Variants in UBN1 observed in about 807,000 individuals in gnomAD.
UBN1 encodes the protein ubinuclein 1, also known as ubinuclein-1.
In UBN1, 17 loss-of-function variants were observed where a neutral mutation model predicts 108.5. The ratio of observed to expected loss-of-function variants is 0.16; its 90% CI spans 0.11 to 0.24. The LOEUF (loss-of-function observed/expected upper bound fraction) is 0.24, where lower values mean the gene tolerates loss of function less well. UBN1 is among the 10% of genes least tolerant of loss of function. The pLI is 1.00. For synonymous variants in UBN1, 726 were observed against 564.2 expected, an observed-to-expected ratio of 1.29 and a Z score of -4.07; for missense variants, 1,595 against 1,394.4, an observed-to-expected ratio of 1.14 and a Z score of -2.29.
At position 4,875,127 on chromosome 16, in the gene UBN1, G is replaced by A. The variant is rs147109333; in HGVS notation, c.2717G>A (p.Ser906Asn). 4 of 1,614,058 alleles carry A rather than the reference G, an allele frequency of 2.5e-6. No homozygotes were observed. Residue 906 changes from serine (S) to asparagine (N), a missense_variant, in exon 15 of 18, where the codon AGC becomes AAC. Ser to Asn is a conservative substitution (Grantham distance 46). This residue lies in a region of UBN1 where 1,398 missense variants were observed against 1,194.7 expected (regional missense o/e 1.17). Transcript: ENST00000262376. The part of the protein sequence containing the change: ...GSSYKNNPFA[S>N]SISKHGVSSG... ...TCTTACAAGAATAATCCCTTTGCCA[G>A]CTCAATCTCCAAACATGGGGTTTCT...
rs777446189 is a variant in UBN1, at chr16:4,857,676, C to G, written c.250-314C>G. Among the ~76,000 whole-genome samples the G allele has an allele frequency of 1.8e-4, 28 of 152,128 alleles. 1 individual carries two copies. Among genetic ancestry groups the G allele is most frequent in the South Asian group, 1.0e-3 (5 of 4,826 alleles). Reference sequence around the variant, plus strand: ...AAATTTTAAGAGTTACAAAGGAAGTCCACTTTATTGAACGTGGTTGTGTAG... The same window carrying G: ...AAATTTTAAGAGTTACAAAGGAAGTGCACTTTATTGAACGTGGTTGTGTAG... On this transcript the variant is annotated intron_variant, in intron 2 of 17. Coordinates refer to ENST00000262376, the MANE Select transcript of UBN1 (RefSeq NM_001079514.3).
At chr16:4,863,168 T>C (rs2087152687) in intron 7 of UBN1, among the ~76,000 whole-genome samples, 1 of 152,236 alleles carries the variant, frequency 6.6e-6, no homozygotes, top group Admixed American at 6.5e-5. Context: ...GCTGTAATTA[T>C]AGTTGTGAAT....
At position 4,874,655 on chromosome 16, in the gene UBN1, T is replaced by G; in HGVS notation, c.2245T>G (p.Ser749Ala). The change falls in exon 15 of 18, where the codon TCC (serine) becomes GCC (alanine). Residue 749 changes from serine (S) to alanine (A), a missense_variant. Ser to Ala is a moderately conservative substitution (Grantham distance 99). Transcript: ENST00000262376. ...AGAACAGGCTCTGGCACTGGGGCAG[T>G]CCTCTCAGGAGAAAAAACCAGAGAG... is the stretch of plus-strand genomic sequence containing the variant. ...LAEQALALGQSSQEKKPESSG... is the reference protein window; with the variant it reads ...LAEQALALGQASQEKKPESSG... 1 of 1,614,178 alleles carries G rather than the reference T, an allele frequency of 6.2e-7. No homozygotes were observed. The highest frequency in any genetic ancestry group is 8.5e-7 in the Non-Finnish European group (1 of 1,180,034).
At chr16:4,872,061 G>A (rs909326729) in intron 12 of UBN1, 12 of 428,794 alleles carry the variant, frequency 2.8e-5, no homozygotes, top group African/African-American at 1.1e-4. Context: ...CACTTCCTGC[G>A]AATGAAGTAT....
At chr16:4,849,376 A>T (rs1454613473) in intron 1 of UBN1, among the ~76,000 whole-genome samples, 3 of 152,194 alleles carry the variant, frequency 2.0e-5, no homozygotes, top group African/African-American at 7.2e-5. Context: ...AACCCATTAA[A>T]ATAAGAATTC....
chr16:4,879,442 C>T (rs962209891), intron 17 of UBN1, among the ~76,000 whole-genome samples: 2 of 152,082 alleles, frequency 1.3e-5, no homozygotes, highest in African/African-American at 4.8e-5. Flanking sequence ...ATAGTGAGAC[C>T]TCATCTCTAA....
At chr16:4,873,214 TAACAG>T (rs1317274752) in intron 14 of UBN1, 141 bp downstream of exon 14, 3 of 1,260,958 alleles carry the variant, frequency 2.4e-6, no homozygotes, top group South Asian at 2.6e-5. Flanking sequence ...CTTGAAGTCA[TAACAG>T]GACAGAGACC....
chr16:4,860,869 T>C lies in UBN1; in HGVS notation c.877T>C (p.Phe293Leu), dbSNP rs752492602. 13 of 1,614,270 alleles carry C rather than the reference T, an allele frequency of 8.1e-6. No individual in the cohort carries two copies. Among genetic ancestry groups the C allele is most frequent in the Non-Finnish European group, 1.1e-5 (13 of 1,180,044 alleles). Reference protein sequence around the residue: ...EGASDPLLSLFGSTSDNDLLQ... With the variant: ...EGASDPLLSLLGSTSDNDLLQ... ...TGCCTCTGACCCCTTGCTCTCACTCTTTGGCTCTACTTCTGACAACGACTT... is the reference window on the plus strand; with the variant it reads ...TGCCTCTGACCCCTTGCTCTCACTCCTTGGCTCTACTTCTGACAACGACTT... The change falls in exon 7 of 18, where the codon TTT (phenylalanine) becomes CTT (leucine). Residue 293 changes from phenylalanine to leucine, a missense_variant. Transcript: ENST00000262376.
chr16:4,855,802 C>T (rs2086783054), intron 2 of UBN1, among the ~76,000 whole-genome samples: 2 of 152,024 alleles, frequency 1.3e-5, no homozygotes, highest in African/African-American at 4.8e-5. Context: ...GCATGTAATC[C>T]CAGCTACTCG....
chr16:4,872,964 GA>G (rs779612041), intron 13 of UBN1, 30 bp downstream of exon 13: 5 of 1,614,096 alleles, frequency 3.1e-6, no homozygotes, highest in Admixed American at 1.7e-5. Flanking sequence ...CACATCTCGG[GA>G]CAAGTGTTGT....
rs1324405218 is a variant in UBN1 at position 4,864,108 on chromosome 16, T to C, written c.1110+3006T>C. On this transcript the variant is annotated intron_variant, in intron 7 of 17. Transcript: ENST00000262376. ...TTTTTTTTTTTTTTTTGAGACAGAGTCTGACTCCATCACCCAGGCTGGAGT... is the reference window on the plus strand; with the variant it reads ...TTTTTTTTTTTTTTTTGAGACAGAGCCTGACTCCATCACCCAGGCTGGAGT... 2.4e-5 allele frequency among the ~76,000 whole-genome samples: 3 copies of C among 125,470 alleles called. No individual in the cohort carries two copies. The Admixed American group carries it at 2.9e-4, about 12-fold the overall frequency. 82.3% of individuals were successfully genotyped at this position (125,470 alleles called of 152,430 possible). A position where few individuals can be genotyped will look rare whatever the true frequency, so the allele number is the denominator to read the frequency against.
At chr16:4,862,548 T>C (rs972795884) in intron 7 of UBN1, among the ~76,000 whole-genome samples, 4 of 152,232 alleles carry the variant, frequency 2.6e-5, no homozygotes, top group African/African-American at 9.6e-5. Context: ...ACATTACTCC[T>C]TGTTCTTTTT....
chr16:4,862,516 T>G (rs2045850970), intron 7 of UBN1, among the ~76,000 whole-genome samples: 2 of 152,244 alleles, frequency 1.3e-5, no homozygotes, highest in Admixed American at 6.5e-5. Flanking sequence ...CTATATTTGC[T>G]CTCAGAATTC....
chr16:4,871,209 G>C lies in UBN1; in HGVS notation c.1614G>C (p.Arg538Ser). The change falls in exon 12 of 18, where the codon AGG becomes AGC. Residue 538 changes from arginine to serine, a missense_variant. Transcript: ENST00000262376. The stretch of plus-strand genomic sequence containing the variant: ...AACTGGAGAGCCAGGACCTGGAGAG[G>C]AACAACAAAGCCCAGGCTTGGGAGG... ...KIKLESQDLERNNKAQAWEDC... is the reference protein window; with the variant it reads ...KIKLESQDLESNNKAQAWEDC... The C allele has an allele frequency of 6.2e-7, 1 of 1,614,236 alleles. No individual in the cohort carries two copies. The highest frequency in any genetic ancestry group is 8.5e-7 in the Non-Finnish European group (1 of 1,180,044).
At chr16:4,876,826 C>G in intron 15 of UBN1, 45 bp from the exon 16 acceptor site, 1 of 1,531,838 alleles carries the variant, frequency 6.5e-7, no homozygotes, top group Non-Finnish European at 8.8e-7. Flanking sequence ...GAGTGAGCCA[C>G]GAACAGGACT....
intron 1 of UBN1, among the ~76,000 whole-genome samples, chr16:4,849,509 T>G (rs762840422): frequency 3.3e-5 from 5 of 152,040 alleles, no homozygotes; most frequent in Non-Finnish European, 7.4e-5. Flanking sequence ...AAATTAAAAA[T>G]TGCTGAGGAT....
chr16:4,872,508 G>C (rs1172154748), intron 12 of UBN1, among the ~76,000 whole-genome samples: 1 of 152,142 alleles, frequency 6.6e-6, no homozygotes, highest in East Asian at 1.9e-4. Flanking sequence ...TCACTCTGTT[G>C]CCCAGACTGG....
At chr16:4,869,283 TC>T (rs1398856026) in intron 8 of UBN1, among the ~76,000 whole-genome samples, 2 of 152,242 alleles carry the variant, frequency 1.3e-5, no homozygotes, top group Non-Finnish European at 2.9e-5. Context: ...TCGGGCCTGC[TC>T]TGCCTTGGGT....
In UBN1 at chr16:4,870,496, T is replaced by C; in HGVS notation, c.1312-20T>C. On this transcript the variant is annotated intron_variant, in intron 9 of 17. Coordinates refer to ENST00000262376, the MANE Select transcript of UBN1 (RefSeq NM_001079514.3). Reference sequence around the variant, plus strand: ...GAGCGATGTGTAAACCTGCCTTGAATTGTGTCCCGCTCTTCGCAGGGGGGC... The same window carrying C: ...GAGCGATGTGTAAACCTGCCTTGAACTGTGTCCCGCTCTTCGCAGGGGGGC... The C allele has an allele frequency of 6.2e-7, 1 of 1,614,098 alleles. No individual in the cohort carries two copies. The highest frequency in any genetic ancestry group is 8.5e-7 in the Non-Finnish European group (1 of 1,179,950).
Sources: allele counts gnomAD v4.1 joint callset (sites outside exome capture counted in the v4.1 genomes callset), GRCh38; gene constraint gnomAD v4.1.1; regional missense constraint gnomAD v4.1.1; transcripts MANE v1.5; gene names NCBI Gene and HGNC (gene_info 2026-07-23, HGNC 2026-07-21).